Variants in CPLX1 observed in about 807,000 individuals in gnomAD.
CPLX1 encodes the protein complexin-1.
CPLX1 carries 6 observed loss-of-function variants against 15.6 expected under a neutral mutation model. The observed-to-expected ratio is 0.39, with a 90% CI of 0.21 to 0.76. The LOEUF is 0.76. Among genes scored for constraint, CPLX1 ranks in the 30% least tolerant of loss-of-function variants. CPLX1 has a pLI of 0.43. For synonymous variants in CPLX1, 91 were observed against 75.2 expected, an observed-to-expected ratio of 1.21 and a Z score of -1.08; for missense variants, 242 against 188.6, an observed-to-expected ratio of 1.28 and a Z score of -1.66.
At chr4:823,275 C>T (rs759948942) in intron 2 of CPLX1, among the ~76,000 whole-genome samples, 5 of 152,158 alleles carry the variant, frequency 3.3e-5, no homozygotes, top group South Asian at 2.1e-4. Flanking sequence ...CCCTTGACCA[C>T]GAAATCTCAG....
intron 2 of CPLX1, among the ~76,000 whole-genome samples, chr4:792,976 C>A (rs773022951): frequency 6.6e-6 from 1 of 152,110 alleles, no homozygotes; most frequent in Non-Finnish European, 1.5e-5. Flanking sequence ...ACCACGTGGT[C>A]GTACATCTGT....
chr4:791,185 C>T (rs191917382), intron 3 of CPLX1, among the ~76,000 whole-genome samples: 1 of 85,780 alleles, frequency 1.2e-5, no homozygotes, highest in South Asian at 4.5e-4. Context: ...GGGCGGGGGG[C>T]GGGGAGCGGG....
chr4:811,319 T>A (rs186274839), intron 2 of CPLX1, among the ~76,000 whole-genome samples: 3 of 152,228 alleles, frequency 2.0e-5, no homozygotes, highest in East Asian at 1.9e-4. Context: ...ATTTTTTTTT[T>A]ATTTTTCATA....
chr4:796,929 G>T (rs1746353916), intron 2 of CPLX1, among the ~76,000 whole-genome samples: 1 of 152,180 alleles, frequency 6.6e-6, no homozygotes, highest in Non-Finnish European at 1.5e-5. Context: ...CGGGCCCAGA[G>T]TGGGGAGCCC....
At position 818,425 on chromosome 4, in the gene CPLX1, C is replaced by T. The variant is rs1000688968; in HGVS notation, c.31+6067G>A. 2.0e-5 allele frequency among the ~76,000 whole-genome samples: 3 copies of T among 152,286 alleles called. No homozygotes were observed. The South Asian group carries it at 6.2e-4, about 32-fold the overall frequency. ...TGGCCTCACAGGTCCCCGGGCCCAG[C>T]GTCTGATGCACGTCCTGCAATGCTC... On this transcript the variant is annotated intron_variant, in intron 2 of 3. Transcript: ENST00000304062.
intron 2 of CPLX1, among the ~76,000 whole-genome samples, chr4:818,284 C>A (rs1746798327): frequency 6.6e-6 from 1 of 152,246 alleles, no homozygotes; most frequent in African/African-American, 2.4e-5. Flanking sequence ...CCTGCTGACA[C>A]CCAGGGGCCC....
chr4:815,410 CAAAA>C (rs71166897), intron 2 of CPLX1, among the ~76,000 whole-genome samples: 1,902 of 93,320 alleles, frequency 0.02, 45 homozygotes, highest in African/African-American at 0.073. Context: ...GACTCCGTCT[CAAAA>C]AAAAAAAAAA....
intron 1 of CPLX1, among the ~76,000 whole-genome samples, chr4:825,511 C>T: frequency 6.6e-6 from 1 of 151,854 alleles, no homozygotes; most frequent in Non-Finnish European, 1.5e-5. Flanking sequence ...GGCCGGGCCC[C>T]GCAGACCCGC....
intron 3 of CPLX1, among the ~76,000 whole-genome samples, chr4:790,266 A>G (rs1746130720): frequency 6.6e-6 from 1 of 152,178 alleles, no homozygotes; most frequent in Non-Finnish European, 1.5e-5. Flanking sequence ...CTTGTGGGCA[A>G]GTGTGTGGCC....
chr4:799,302 G>A (rs1490552366), intron 2 of CPLX1, among the ~76,000 whole-genome samples: 4 of 152,194 alleles, frequency 2.6e-5, no homozygotes, highest in African/African-American at 9.6e-5. Context: ...GCATTTCTAC[G>A]GGGACGTCCA....
intron 2 of CPLX1, among the ~76,000 whole-genome samples, chr4:799,601 A>G (rs1746412700): frequency 1.3e-5 from 2 of 151,978 alleles, no homozygotes; most frequent in Non-Finnish European, 2.9e-5. Flanking sequence ...GGTGGCTCAC[A>G]CCTGTAATCC....
intron 2 of CPLX1, among the ~76,000 whole-genome samples, chr4:818,455 T>C (rs560805254): frequency 4.6e-5 from 7 of 152,352 alleles, no homozygotes; most frequent in South Asian, 2.1e-4. Context: ...ATGCTCCCTC[T>C]GTTTTGCGCC....
intron 2 of CPLX1, among the ~76,000 whole-genome samples, chr4:817,473 G>A (rs1746779845): frequency 1.3e-5 from 2 of 151,354 alleles, no homozygotes; most frequent in Non-Finnish European, 2.9e-5. Context: ...CAGGAGAATC[G>A]CTTGAACCCA....
chr4:795,148 G>A (rs904617913), intron 2 of CPLX1, among the ~76,000 whole-genome samples: 1 of 152,254 alleles, frequency 6.6e-6, no homozygotes, highest in Non-Finnish European at 1.5e-5. Context: ...TTCGGCCCGG[G>A]TACTGCAGGG....
chr4:792,839 C>T, intron 2 of CPLX1: 1 of 526,802 alleles, frequency 1.9e-6, no homozygotes, highest in South Asian at 2.9e-5. Flanking sequence ...GCTTTCTGTT[C>T]CTCAAGAGAC....
At chr4:795,365 C>T (rs1746301575) in intron 2 of CPLX1, among the ~76,000 whole-genome samples, 1 of 152,224 alleles carries the variant, frequency 6.6e-6, no homozygotes, top group African/African-American at 2.4e-5. Context: ...ACCCCGCGAC[C>T]CCGCCGGACC....
intron 2 of CPLX1, among the ~76,000 whole-genome samples, chr4:816,628 C>G (rs1746761041): frequency 6.6e-6 from 1 of 152,002 alleles, no homozygotes. Flanking sequence ...AATTCTCTTC[C>G]TAGCCTGGGA....
At chr4:791,823 C>T (rs1377439688) in intron 3 of CPLX1, among the ~76,000 whole-genome samples, 1 of 152,118 alleles carries the variant, frequency 6.6e-6, no homozygotes, top group African/African-American at 2.4e-5. Context: ...CCCGCTCACC[C>T]CTGGCTGGAG....
intron 2 of CPLX1, among the ~76,000 whole-genome samples, chr4:795,866 C>T (rs1387892881): frequency 1.3e-5 from 2 of 152,188 alleles, no homozygotes; most frequent in Non-Finnish European, 2.9e-5. Context: ...ACTCCACCGC[C>T]CACCCCACCT....
Sources: gnomAD v4.1 joint callset for allele counts (sites outside exome capture counted in the v4.1 genomes callset) on GRCh38, gnomAD v4.1.1 for gene constraint, MANE v1.5 for transcripts, NCBI Gene and HGNC (gene_info 2026-07-23, HGNC 2026-07-21) for gene names.